The following RBFOX3 variants were observed in gnomAD, a reference collection of about 807,000 sequenced individuals.
RBFOX3 encodes the protein RNA binding fox-1 homolog 3, also known as RNA binding protein fox-1 homolog 3.
Under a neutral mutation model 48.7 loss-of-function variants are expected in RBFOX3, and 17 were observed. The ratio of observed to expected loss-of-function variants is 0.35; its 90% CI spans 0.24 to 0.52. The LOEUF is 0.52. Ranked by LOEUF, RBFOX3 falls within the 20% of genes least tolerant of loss-of-function variation. RBFOX3 has a pLI of 0.94. For synonymous variants in RBFOX3, 212 were observed against 209.5 expected (o/e 1.01, Z -0.10); for missense variants, 382 against 497.5 (o/e 0.77, Z 2.21).
chr17:79,180,649 C>A (rs2051702148), intron 4 of RBFOX3, among the ~76,000 whole-genome samples: 1 of 152,112 alleles, frequency 6.6e-6, no homozygotes, highest in Non-Finnish European at 1.5e-5. Flanking sequence ...TAAGCGGGTT[C>A]CCAAACTAAA....
chr17:79,146,529 C>T (rs544709213), intron 4 of RBFOX3, among the ~76,000 whole-genome samples: 1 of 152,232 alleles, frequency 6.6e-6, no homozygotes. Flanking sequence ...TGTTAAGGGC[C>T]TGGAAGAACC....
In RBFOX3 at chr17:79,471,500, G is replaced by A. The variant is rs1444572218; in HGVS notation, c.-175+10954C>T. Among the ~76,000 whole-genome samples, 2 of 152,320 alleles carry A rather than the reference G, an allele frequency of 1.3e-5. No individual in the cohort carries two copies. Among genetic ancestry groups the A allele is most frequent in the African/African-American group, 2.4e-5 (1 of 41,564 alleles). ...CGCCACCTCTGGTCACCCCTGGCCT[G>A]AGGGACATTTGTTTTGGTGGCTGAG... On this transcript the variant is annotated intron_variant, in intron 2 of 14. Transcript: ENST00000693108. This position sits in a 1 kb window ranked among gnomAD's most constrained non-coding sequence, Gnocchi z 4.0.
intron 4 of RBFOX3, chr17:79,136,225 C>T (rs1163455614): frequency 6.6e-6 from 1 of 152,394 alleles, no homozygotes; most frequent in African/African-American, 2.4e-5. Context: ...GCGTGCACCC[C>T]ACACTGCCTT....
chr17:79,436,278 G>T (rs1165630662), intron 2 of RBFOX3, among the ~76,000 whole-genome samples: 1 of 152,264 alleles, frequency 6.6e-6, no homozygotes, highest in Non-Finnish European at 1.5e-5. Flanking sequence ...CTAAGGCAGT[G>T]CTGGGTAACA....
rs1322911639 is a variant in RBFOX3, at chr17:79,535,626, G to A, written c.-319-53028C>T. Among the ~76,000 whole-genome samples the A allele has an allele frequency of 2.0e-5, 3 of 152,182 alleles. No homozygotes were observed. In the South Asian group the frequency reaches 6.2e-4, roughly 32 times the overall value. ...TGCGGTCCTGGCCAGACCACATTCT[G>A]GGCGGACAAGGCAGGATAGCCAGCC... On this transcript the variant is annotated intron_variant, in intron 1 of 14. Coordinates refer to ENST00000693108, the MANE Select transcript of RBFOX3 (RefSeq NM_001350451.2). This position sits in a 1 kb window ranked among gnomAD's most constrained non-coding sequence, Gnocchi z 4.5.
intron 2 of RBFOX3, among the ~76,000 whole-genome samples, chr17:79,405,396 C>T (rs916507449): frequency 3.0e-5 from 2 of 67,598 alleles, no homozygotes; most frequent in African/African-American, 5.6e-5. Context: ...TAGGGTTTGA[C>T]ATTTGTTTAC....
rs917133278 is a variant in RBFOX3 at position 79,090,529 on chromosome 17, A to G, written c.*354T>C. 1.4e-5 allele frequency: 4 copies of G among 291,718 alleles called. No individual in the cohort carries two copies. In the Admixed American group the frequency reaches 2.0e-4, roughly 14 times the overall value. 18.1% of individuals were successfully genotyped at this position (291,718 alleles called of 1,614,324 possible). A position where few individuals can be genotyped will look rare whatever the true frequency, so the allele number is the denominator to read the frequency against. On this transcript the variant is annotated 3_prime_UTR_variant, in exon 15 of 15. Coordinates refer to ENST00000693108, the MANE Select transcript of RBFOX3 (RefSeq NM_001350451.2). The stretch of plus-strand genomic sequence containing the variant: ...TGTCTTGGGAGTTGGGGGCTGGGAA[A>G]GGAAGACTGGATGGAAAACAGAGCC...
intron 1 of RBFOX3, among the ~76,000 whole-genome samples, chr17:79,490,362 A>G (rs2080309551): frequency 6.6e-6 from 1 of 152,118 alleles, no homozygotes; most frequent in Admixed American, 6.5e-5. Context: ...GTAATTTGGG[A>G]AGCAATTTTC....
At chr17:79,106,350 G>T (rs948293967) in intron 6 of RBFOX3, among the ~76,000 whole-genome samples, 1 of 152,174 alleles carries the variant, frequency 6.6e-6, no homozygotes, top group Non-Finnish European at 1.5e-5. Context: ...AGGTGGTCTG[G>T]GGGGCATGGG....
intron 3 of RBFOX3, among the ~76,000 whole-genome samples, chr17:79,248,660 G>A (rs953055248): frequency 5.9e-5 from 9 of 152,212 alleles, no homozygotes; most frequent in South Asian, 2.1e-4. Context: ...AGTGACGGCC[G>A]GAGTGCTTTG....
At chr17:79,524,762 G>C (rs959089557) in intron 1 of RBFOX3, among the ~76,000 whole-genome samples, 3 of 152,186 alleles carry the variant, frequency 2.0e-5, no homozygotes, top group Non-Finnish European at 4.4e-5. Context: ...TTTGTAAATG[G>C]AGCCCTAGTT....
At chr17:79,509,126 C>T (rs1049983807) in intron 1 of RBFOX3, among the ~76,000 whole-genome samples, 591 of 152,094 alleles carry the variant, frequency 3.9e-3, no homozygotes, top group Non-Finnish European at 7.4e-3. Context: ...CCCCAGGGCC[C>T]CGGCCCTGGG....
Position 79,517,722 on chromosome 17 carries a change from G to A in RBFOX3, c.-319-35124C>T, listed in dbSNP as rs970381714. On this transcript the variant is annotated intron_variant, in intron 1 of 14. Transcript: ENST00000693108. ...AGGGAAGGCCAGGGAAAAACCCCAC[G>A]GTCATTAAATAGATTGTGTTGGGGG... Among the ~76,000 whole-genome samples, 23 of 152,210 alleles carry A rather than the reference G, an allele frequency of 1.5e-4. No homozygotes were observed. The South Asian group carries it at 2.9e-3, about 19-fold the overall frequency.
At chr17:79,365,551 G>A (rs1393483765) in intron 2 of RBFOX3, among the ~76,000 whole-genome samples, 7 of 152,244 alleles carry the variant, frequency 4.6e-5, no homozygotes, top group Non-Finnish European at 7.3e-5. Flanking sequence ...AATGGATTAC[G>A]GCAAGCCAGG....
chr17:79,442,067 G>A (rs2071038794), intron 2 of RBFOX3, among the ~76,000 whole-genome samples: 1 of 151,530 alleles, frequency 6.6e-6, no homozygotes, highest in African/African-American at 2.4e-5. Flanking sequence ...AAGGCCCTGG[G>A]GTGAAAGGGA....
In RBFOX3 at chr17:79,477,452, A is replaced by G. The variant is rs1432423654; in HGVS notation, c.-175+5002T>C. Among the ~76,000 whole-genome samples, 1 of 151,678 alleles carries G rather than the reference A, an allele frequency of 6.6e-6. No homozygotes were observed. Among genetic ancestry groups the G allele is most frequent in the Non-Finnish European group, 1.5e-5 (1 of 67,956 alleles). On this transcript the variant is annotated intron_variant, in intron 2 of 14. Transcript: ENST00000693108. This position sits in a 1 kb window ranked among gnomAD's most constrained non-coding sequence, Gnocchi z 4.8. ...GCGCCTGTAGTCCCAGCTACTTGGG[A>G]GGCTGAGGCAGGAGAATGGCGTGAA...
intron 4 of RBFOX3, among the ~76,000 whole-genome samples, chr17:79,222,266 T>C (rs553097229): frequency 6.6e-6 from 1 of 152,308 alleles, no homozygotes; most frequent in South Asian, 2.1e-4. Context: ...CACTTTGTGC[T>C]AGCTCATGCC....
chr17:79,126,033 G>A (rs1421061353), intron 4 of RBFOX3, among the ~76,000 whole-genome samples: 2 of 152,224 alleles, frequency 1.3e-5, no homozygotes, highest in African/African-American at 2.4e-5. Flanking sequence ...GACCTGCAGA[G>A]GTGGATGTCA....
chr17:79,628,858 T>G, the RBFOX3 span, among the ~76,000 whole-genome samples: 1 of 152,224 alleles, frequency 6.6e-6, no homozygotes, highest in Non-Finnish European at 1.5e-5. Flanking sequence ...CCCTTTGGAA[T>G]AGGAGCATCA....
Sources: gnomAD v4.1 joint callset for allele counts (sites outside exome capture counted in the v4.1 genomes callset) on GRCh38, gnomAD v4.1.1 for gene constraint, Gnocchi (gnomAD v3.1) non-coding constraint, MANE v1.5 for transcripts, NCBI Gene and HGNC (gene_info 2026-07-23, HGNC 2026-07-21) for gene names.